Variants in ADARB2 observed in about 807,000 individuals in gnomAD.
The protein encoded by ADARB2 is inactive double-stranded RNA-specific editase B2.
ADARB2 carries 25 observed loss-of-function variants against 62.2 expected under a neutral mutation model. That is an observed-to-expected ratio of 0.40 (90% CI 0.29 to 0.56). ADARB2 has a LOEUF of 0.56. ADARB2 is among the 20% of genes least tolerant of loss of function. ADARB2 has a pLI of 0.43. For missense variants in ADARB2, 1,071 were observed against 1,077.4 expected (o/e 0.99, Z 0.08); for synonymous variants, 572 against 500.8 (o/e 1.14, Z -1.90).
chr10:1,604,526 T>G, intron 1 of ADARB2, among the ~76,000 whole-genome samples: 1 of 152,196 alleles, frequency 6.6e-6, no homozygotes, highest in East Asian at 1.9e-4. Context: ...CAGGCACTGT[T>G]TTGTTTGCAC....
chr10:1,234,357 G>A (rs1261313918), intron 5 of ADARB2, among the ~76,000 whole-genome samples: 2 of 152,128 alleles, frequency 1.3e-5, no homozygotes, highest in East Asian at 3.9e-4. Context: ...AGAACAGGCA[G>A]CAATGAAACT....
intron 1 of ADARB2, among the ~76,000 whole-genome samples, chr10:1,588,518 G>T (rs970079527): frequency 1.3e-5 from 2 of 152,182 alleles, no homozygotes; most frequent in African/African-American, 4.8e-5. Flanking sequence ...CTGTTGGGAG[G>T]ATTTGCTGGT....
chr10:1,445,874 A>G (rs953628448), intron 1 of ADARB2, among the ~76,000 whole-genome samples: 18 of 152,256 alleles, frequency 1.2e-4, no homozygotes, highest in African/African-American at 3.6e-4. Context: ...TAGTTATGCA[A>G]TGTAAATGAC....
chr10:1,462,514 A>G (rs1369915176), intron 1 of ADARB2, among the ~76,000 whole-genome samples: 1 of 151,986 alleles, frequency 6.6e-6, no homozygotes, highest in Admixed American at 6.5e-5. Flanking sequence ...GCATGAGTGT[A>G]GTGTGCCTGT....
chr10:1,693,520 G>A (rs1413767321), intron 1 of ADARB2, among the ~76,000 whole-genome samples: 1 of 152,042 alleles, frequency 6.6e-6, no homozygotes, highest in Non-Finnish European at 1.5e-5. Flanking sequence ...TTTTCCTATT[G>A]GATATAATTT....
At chr10:1,717,401 CTCCTCAGACGGG>C (rs1427042117) in intron 1 of ADARB2, among the ~76,000 whole-genome samples, 1 of 151,808 alleles carries the variant, frequency 6.6e-6, no homozygotes, top group East Asian at 2.0e-4. Context: ...TCTGCACCCA[CTCCTCAGACGGG>C]TCCTCACTCT....
chr10:1,723,248 G>A (rs553782363), intron 1 of ADARB2, among the ~76,000 whole-genome samples: 9 of 152,314 alleles, frequency 5.9e-5, no homozygotes, highest in African/African-American at 2.2e-4. Flanking sequence ...TCTTTTCTAA[G>A]TGGCGATTCG....
rs1835165983 is a variant in ADARB2, at chr10:1,726,509, C to G, written c.100+10542G>C. On this transcript the variant is annotated intron_variant, in intron 1 of 9. Coordinates refer to ENST00000381312, the MANE Select transcript of ADARB2 (RefSeq NM_018702.4). ...GCACCTTCTGTGACTCTATGGATGA[C>G]TCTGTAAATCGTGTGAGACAGATGA... is the stretch of plus-strand genomic sequence containing the variant. Among the ~76,000 whole-genome samples, 4 of 152,258 alleles carry G rather than the reference C, an allele frequency of 2.6e-5. No individual in the cohort carries two copies. In the South Asian group the frequency reaches 8.3e-4, roughly 32 times the overall value.
intron 3 of ADARB2, among the ~76,000 whole-genome samples, chr10:1,296,629 C>T (rs771289434): frequency 1.3e-5 from 2 of 152,152 alleles, no homozygotes; most frequent in African/African-American, 2.4e-5. Flanking sequence ...GGATGGTTGT[C>T]TGCAGCTTTG....
rs570205401 is a variant in ADARB2 at position 1,213,440 on chromosome 10, G to C, written c.1682+3511C>G. Among the ~76,000 whole-genome samples, 162 of 152,262 alleles carry C rather than the reference G, an allele frequency of 1.1e-3. 1 individual carries two copies. The highest frequency in any genetic ancestry group is 5.6e-3 in the South Asian group (27 of 4,824). On this transcript the variant is annotated intron_variant, in intron 7 of 9. Transcript: ENST00000381312. ...CAGAACCAGAAGGTGGCTGGGCTTC[G>C]AGGGGCCTGGGCCAGTGGCTAGGGG...
At chr10:1,717,609 G>A (rs528733621) in intron 1 of ADARB2, among the ~76,000 whole-genome samples, 11 of 136,736 alleles carry the variant, frequency 8.0e-5, no homozygotes, top group African/African-American at 1.1e-4. Flanking sequence ...AGACAGTCTC[G>A]TTCTGTCACC....
chr10:1,187,821 C>T, intron 8 of ADARB2: 1 of 430,606 alleles, frequency 2.3e-6, no homozygotes, highest in South Asian at 1.6e-5. Context: ...CGGGGTCGTC[C>T]AGCCTTGCAT....
intron 1 of ADARB2, among the ~76,000 whole-genome samples, chr10:1,388,626 G>T (rs183047320): frequency 1.2e-3 from 175 of 151,868 alleles, no homozygotes; most frequent in Middle Eastern, 3.4e-3. Flanking sequence ...GGACAAAAAG[G>T]TATAAAATAC....
chr10:1,262,237 G>A (rs1341070549), intron 4 of ADARB2, among the ~76,000 whole-genome samples: 11 of 146,446 alleles, frequency 7.5e-5, no homozygotes, highest in South Asian at 2.2e-4. Flanking sequence ...GCACATGTAT[G>A]CATATGTAAC....
rs370744113 is a variant in ADARB2 at position 1,690,638 on chromosome 10, T to C, written c.100+46413A>G. Among the ~76,000 whole-genome samples the C allele has an allele frequency of 3.3e-5, 5 of 152,266 alleles. No individual in the cohort carries two copies. In the East Asian group the frequency reaches 7.8e-4, roughly 24 times the overall value. Reference sequence around the variant, plus strand: ...GAAAGGAAGGCAGCCCCTGCTCTCCTCCTTGCTCCTTCCTGTCCCCATGCT... The same window carrying C: ...GAAAGGAAGGCAGCCCCTGCTCTCCCCCTTGCTCCTTCCTGTCCCCATGCT... On this transcript the variant is annotated intron_variant, in intron 1 of 9. Coordinates refer to ENST00000381312, the MANE Select transcript of ADARB2 (RefSeq NM_018702.4).
At chr10:1,232,759 G>GGTGTGTGTGGTATATATGGT (rs1830821047) in intron 6 of ADARB2, among the ~76,000 whole-genome samples, 1 of 151,092 alleles carries the variant, frequency 6.6e-6, no homozygotes, top group South Asian at 2.1e-4. Flanking sequence ...TGTGGTATGT[G>GGTGTGTGTGGTATATATGGT]GTGTGTGTGG....
intron 1 of ADARB2, among the ~76,000 whole-genome samples, chr10:1,625,304 C>A (rs988110231): frequency 6.6e-6 from 1 of 152,218 alleles, no homozygotes; most frequent in African/African-American, 2.4e-5. Flanking sequence ...AGGGAAAATA[C>A]CCCTTTTTCC....
chr10:1,415,143 T>A (rs933006140), intron 1 of ADARB2, among the ~76,000 whole-genome samples: 1 of 150,364 alleles, frequency 6.7e-6, no homozygotes, highest in Admixed American at 6.6e-5. Context: ...GATGGGTGGA[T>A]GTATGGTGGA....
chr10:1,435,438 T>C (rs1451504971), intron 1 of ADARB2, among the ~76,000 whole-genome samples: 2 of 151,096 alleles, frequency 1.3e-5, no homozygotes, highest in African/African-American at 2.5e-5. Flanking sequence ...TTCCTTCCGC[T>C]TGAGGGCAGA....
Sources: allele counts gnomAD v4.1 joint callset (sites outside exome capture counted in the v4.1 genomes callset), GRCh38; gene constraint gnomAD v4.1.1; transcripts MANE v1.5; gene names NCBI Gene and HGNC (gene_info 2026-07-23, HGNC 2026-07-21).